The following MME variants were observed in gnomAD, a reference collection of about 807,000 sequenced individuals.
The protein encoded by MME is neprilysin.
In MME, 98 loss-of-function variants were observed where a neutral mutation model predicts 113.2. The observed-to-expected ratio is 0.87, with a 90% CI of 0.74 to 1.02. The LOEUF is 1.02. Ranked by LOEUF, MME falls within the 50% of genes least tolerant of loss-of-function variation. The probability of loss-of-function intolerance (pLI) is 0.00; values close to 1 mark genes in which losing one functional copy is unlikely to be tolerated. For synonymous variants in MME, 292 were observed against 300.6 expected, an observed-to-expected ratio of 0.97 and a Z score of 0.30; for missense variants, 836 against 896.0, an observed-to-expected ratio of 0.93 and a Z score of 0.86.
intron 1 of MME, among the ~76,000 whole-genome samples, chr3:155,030,754 A>G (rs1712944014): frequency 6.6e-6 from 1 of 152,214 alleles, no homozygotes; most frequent in Non-Finnish European, 1.5e-5. Flanking sequence ...TGCAAATGGA[A>G]TACATGTCAC....
chr3:155,039,861 A>C (rs1360778528), intron 1 of MME, among the ~76,000 whole-genome samples: 1 of 152,184 alleles, frequency 6.6e-6, no homozygotes, highest in African/African-American at 2.4e-5. Context: ...GGTACACAAC[A>C]TGATGTTTTG....
At chr3:155,116,149 A>G (rs1338831330) in intron 4 of MME, among the ~76,000 whole-genome samples, 9 of 151,972 alleles carry the variant, frequency 5.9e-5, no homozygotes, top group Non-Finnish European at 1.5e-5. Flanking sequence ...CTCAATTTCA[A>G]GAAAAGTAAC....
intron 1 of MME, among the ~76,000 whole-genome samples, chr3:155,043,734 A>G (rs1713443764): frequency 6.6e-6 from 1 of 152,090 alleles, no homozygotes; most frequent in South Asian, 2.1e-4. Context: ...TTTCCTATAT[A>G]TAATTATTTT....
chr3:155,097,281 G>T (rs961558014), intron 3 of MME, among the ~76,000 whole-genome samples: 10 of 152,148 alleles, frequency 6.6e-5, no homozygotes, highest in African/African-American at 2.4e-4. Context: ...TCTTAGGGAG[G>T]AAATGGAGAA....
intron 8 of MME, among the ~76,000 whole-genome samples, chr3:155,133,600 C>CATAT (rs199871858): frequency 2.7e-5 from 4 of 147,578 alleles, no homozygotes; most frequent in African/African-American, 7.5e-5. Flanking sequence ...AAAAGCATCC[C>CATAT]ATATATATAT....
chr3:155,111,343 C>T (rs1265465041), intron 3 of MME, among the ~76,000 whole-genome samples: 2 of 152,174 alleles, frequency 1.3e-5, no homozygotes, highest in African/African-American at 4.8e-5. Context: ...AGAGAGCGCT[C>T]TTTGAAGTGA....
chr3:155,149,857 T>A (rs1444967380), intron 16 of MME, among the ~76,000 whole-genome samples: 1 of 152,218 alleles, frequency 6.6e-6, no homozygotes, highest in East Asian at 1.9e-4. Flanking sequence ...GACTTCTAAG[T>A]TCATATTGGA....
At chr3:155,162,383 C>A (rs901628532) in intron 17 of MME, among the ~76,000 whole-genome samples, 8 of 151,984 alleles carry the variant, frequency 5.3e-5, no homozygotes, top group African/African-American at 1.9e-4. Flanking sequence ...AAGAAGCACA[C>A]AGAAAAAGGA....
chr3:155,024,690 C>T (rs375854826), intron 1 of MME, among the ~76,000 whole-genome samples: 1 of 152,072 alleles, frequency 6.6e-6, no homozygotes, highest in Non-Finnish European at 1.5e-5. Flanking sequence ...ACTGATCTTG[C>T]CCTGATTTGG....
chr3:155,130,709 G>T (rs543612068), intron 8 of MME, among the ~76,000 whole-genome samples: 34 of 152,266 alleles, frequency 2.2e-4, no homozygotes, highest in African/African-American at 8.2e-4. Context: ...GGTGCAAGCT[G>T]GAACTGGGAT....
chr3:155,094,680 G>A (rs559876930), intron 3 of MME, among the ~76,000 whole-genome samples: 5 of 152,318 alleles, frequency 3.3e-5, no homozygotes, highest in African/African-American at 1.2e-4. Flanking sequence ...GTATGGGGGT[G>A]ACAGTTCAGG....
At chr3:155,170,576 G>A (rs186432491) in intron 20 of MME, among the ~76,000 whole-genome samples, 3 of 152,230 alleles carry the variant, frequency 2.0e-5, no homozygotes, top group Admixed American at 2.0e-4. Context: ...TCCTGTGTAA[G>A]TACCATAAAT....
intron 1 of MME, among the ~76,000 whole-genome samples, chr3:155,044,690 A>G (rs1470328407): frequency 6.6e-6 from 1 of 152,076 alleles, no homozygotes; most frequent in Non-Finnish European, 1.5e-5. Flanking sequence ...TCCATTAAGC[A>G]GTTTCATTAT....
intron 8 of MME, among the ~76,000 whole-genome samples, chr3:155,124,741 G>A (rs1270693475): frequency 6.6e-6 from 1 of 151,704 alleles, no homozygotes; most frequent in Admixed American, 6.6e-5. Context: ...GGGGGTCAGG[G>A]GTCAGGGACC....
chr3:155,040,240 T>C (rs1713261835), intron 1 of MME, among the ~76,000 whole-genome samples: 1 of 152,198 alleles, frequency 6.6e-6, no homozygotes, highest in South Asian at 2.1e-4. Flanking sequence ...GAAGGTTGTC[T>C]GTGCATTGTA....
At chr3:155,146,310 G>A (rs1489398103) in intron 14 of MME, among the ~76,000 whole-genome samples, 2 of 152,110 alleles carry the variant, frequency 1.3e-5, no homozygotes, top group African/African-American at 4.8e-5. Context: ...CAGATTGCTT[G>A]AGCCCAGGAG....
intron 20 of MME, 90 bp downstream of exon 20, chr3:155,168,887 ACT>A: frequency 9.0e-7 from 1 of 1,114,098 alleles, no homozygotes; most frequent in Non-Finnish European, 1.3e-6. Flanking sequence ...AAAAAAAGAA[ACT>A]CATATAAGCA....
intron 3 of MME, among the ~76,000 whole-genome samples, chr3:155,095,809 A>C (rs761038403): frequency 2.0e-5 from 3 of 152,204 alleles, no homozygotes; most frequent in Non-Finnish European, 2.9e-5. Flanking sequence ...ACAGACATAA[A>C]CAACATTACC....
intron 1 of MME, among the ~76,000 whole-genome samples, chr3:155,033,849 T>A (rs1259188751): frequency 6.6e-6 from 1 of 152,128 alleles, no homozygotes; most frequent in East Asian, 1.9e-4. Flanking sequence ...AAAAGCCTAA[T>A]TAAAATGTTG....
Sources: allele counts gnomAD v4.1 joint callset (sites outside exome capture counted in the v4.1 genomes callset), GRCh38; gene constraint gnomAD v4.1.1; transcripts MANE v1.5; gene names NCBI Gene and HGNC (gene_info 2026-07-23, HGNC 2026-07-21).